ST6GAL2: variants seen among roughly 807,000 people sequenced by gnomAD.
ST6GAL2 encodes the protein beta-galactoside alpha-2,6-sialyltransferase 2.
Under a neutral mutation model 37.5 loss-of-function variants are expected in ST6GAL2, and 24 were observed. The ratio of observed to expected loss-of-function variants is 0.64; its 90% CI spans 0.46 to 0.90. ST6GAL2 has a LOEUF of 0.90. ST6GAL2 is among the 40% of genes least tolerant of loss of function. The pLI is 0.00. For missense variants in ST6GAL2, 715 were observed against 712.7 expected, an observed-to-expected ratio of 1.00 and a Z score of -0.04; for synonymous variants, 306 against 295.1, an observed-to-expected ratio of 1.04 and a Z score of -0.38.
At chr2:106,877,705 C>A (rs754208369) in intron 1 of ST6GAL2, among the ~76,000 whole-genome samples, 6 of 152,238 alleles carry the variant, frequency 3.9e-5, no homozygotes, top group Non-Finnish European at 7.3e-5. Flanking sequence ...TACCTTACTG[C>A]ATTCATTAAT....
chr2:106,886,406 C>T (rs1369575729), upstream of ST6GAL2: 3 of 152,152 alleles, frequency 2.0e-5, no homozygotes, highest in African/African-American at 7.2e-5. Context: ...GCTCCCGTCC[C>T]AGGCGGCCTG....
chr2:106,884,930 T>TAC (rs1305450578), intron 1 of ST6GAL2, among the ~76,000 whole-genome samples: 3 of 124,382 alleles, frequency 2.4e-5, no homozygotes, highest in African/African-American at 1.0e-4. Context: ...TATATATATA[T>TAC]ATATACATAC....
chr2:106,841,468 G>C (rs749535581), intron 2 of ST6GAL2, among the ~76,000 whole-genome samples: 2 of 152,170 alleles, frequency 1.3e-5, no homozygotes, highest in Non-Finnish European at 2.9e-5. Flanking sequence ...ACTCACATTT[G>C]TTTTACTGCT....
At chr2:106,810,105 T>C (rs2104414630) in intron 5 of ST6GAL2, among the ~76,000 whole-genome samples, 1 of 152,326 alleles carries the variant, frequency 6.6e-6, no homozygotes, top group Middle Eastern at 3.4e-3. Context: ...TGCTATCCTC[T>C]TAGACTCAAA....
intron 5 of ST6GAL2, among the ~76,000 whole-genome samples, chr2:106,823,486 C>CACACACACACACAG (rs755735360): frequency 3.7e-4 from 44 of 117,988 alleles, no homozygotes; most frequent in East Asian, 1.3e-3. Flanking sequence ...CACACACACA[C>CACACACACACACAG]AGAGAGAGAG....
At chr2:106,881,371 C>A (rs939146726) in intron 1 of ST6GAL2, among the ~76,000 whole-genome samples, 1 of 152,158 alleles carries the variant, frequency 6.6e-6, no homozygotes, top group Non-Finnish European at 1.5e-5. Context: ...ACAAACAAAT[C>A]CATTCATTTA....
chr2:106,846,111 C>T (rs1677134609), intron 1 of ST6GAL2, among the ~76,000 whole-genome samples: 3 of 152,254 alleles, frequency 2.0e-5, no homozygotes, highest in South Asian at 2.1e-4. Flanking sequence ...CTGGATGTCC[C>T]GTCTGTTGCA....
chr2:106,874,423 T>C (rs1488094058), intron 1 of ST6GAL2, among the ~76,000 whole-genome samples: 1 of 151,962 alleles, frequency 6.6e-6, no homozygotes, highest in Non-Finnish European at 1.5e-5. Context: ...GACCATGAGC[T>C]TGGATCCAAG....
At chr2:106,871,536 CACAA>C (rs1446422679) in intron 1 of ST6GAL2, among the ~76,000 whole-genome samples, 1 of 152,148 alleles carries the variant, frequency 6.6e-6, no homozygotes, top group Admixed American at 6.5e-5. Flanking sequence ...TAGCTTAAAA[CACAA>C]ACACATTGTA....
intron 1 of ST6GAL2, among the ~76,000 whole-genome samples, chr2:106,878,079 C>T (rs6717378): frequency 0.045 from 6,800 of 152,298 alleles, 479 homozygotes; most frequent in African/African-American, 0.15. Context: ...CCTCTGCATC[C>T]GCAGGTTCCA....
At chr2:106,851,149 C>T (rs747108621) in intron 1 of ST6GAL2, among the ~76,000 whole-genome samples, 10 of 152,236 alleles carry the variant, frequency 6.6e-5, no homozygotes, top group Non-Finnish European at 1.2e-4. Flanking sequence ...TCTGAATTCC[C>T]AGTGGATGTT....
chr2:106,820,794 C>CA (rs1232514975), intron 5 of ST6GAL2, among the ~76,000 whole-genome samples: 3 of 151,776 alleles, frequency 2.0e-5, no homozygotes, highest in Admixed American at 2.0e-4. Flanking sequence ...CTCTGACTAC[C>CA]ATGGAATAAA....
intron 2 of ST6GAL2, 121 bp from the exon 3 acceptor site, chr2:106,834,267 G>A (rs1057415807): frequency 1.5e-5 from 10 of 661,952 alleles, no homozygotes; most frequent in Non-Finnish European, 1.3e-5. Flanking sequence ...ATAAAGTTAA[G>A]ATATGCCCAC....
chr2:106,836,824 G>A (rs1676663594), intron 2 of ST6GAL2, among the ~76,000 whole-genome samples: 1 of 145,966 alleles, frequency 6.9e-6, no homozygotes. Context: ...GTGCATGCCT[G>A]TAATCCCAGC....
chr2:106,875,272 A>G (rs552915455), intron 1 of ST6GAL2, among the ~76,000 whole-genome samples: 25 of 150,030 alleles, frequency 1.7e-4, no homozygotes, highest in Admixed American at 1.3e-3. Flanking sequence ...GCCTCCCAGG[A>G]TCAAGCAATG....
intron 2 of ST6GAL2, among the ~76,000 whole-genome samples, chr2:106,840,856 A>G (rs1676850800): frequency 6.6e-6 from 1 of 152,196 alleles, no homozygotes. Flanking sequence ...GGTGTTTAAA[A>G]CAAAACCAAA....
intron 5 of ST6GAL2, among the ~76,000 whole-genome samples, chr2:106,828,767 A>G (rs553559402): frequency 6.6e-6 from 1 of 152,288 alleles, no homozygotes; most frequent in Admixed American, 6.5e-5. Context: ...CAAAACCAAT[A>G]TCCTTTGGTT....
chr2:106,859,528 G>A lies in ST6GAL2; in HGVS notation c.-57-15494C>T, dbSNP rs115161308. On this transcript the variant is annotated intron_variant, in intron 1 of 5. Coordinates refer to ENST00000409382, the MANE Select transcript of ST6GAL2 (RefSeq NM_001142351.2). ...TTCCTTCCTTAGTCTTCCCCATCCC[G>A]TAAATAGCATGGCCAGTCACTCAGT... 3.5e-3 allele frequency among the ~76,000 whole-genome samples: 534 copies of A among 152,192 alleles called. 4 individuals are homozygous for A. The highest frequency in any genetic ancestry group is 0.012 in the African/African-American group (492 of 41,532).
At chr2:106,860,752 T>C (rs1677766036) in intron 1 of ST6GAL2, among the ~76,000 whole-genome samples, 1 of 152,170 alleles carries the variant, frequency 6.6e-6, no homozygotes. Flanking sequence ...ATGAATAAGG[T>C]GCAATGGGCT....
Sources: gnomAD v4.1 joint callset for allele counts (sites outside exome capture counted in the v4.1 genomes callset) on GRCh38, gnomAD v4.1.1 for gene constraint, MANE v1.5 for transcripts, NCBI Gene and HGNC (gene_info 2026-07-23, HGNC 2026-07-21) for gene names.